Variants in XPO4 observed in about 807,000 individuals in gnomAD.
XPO4 encodes the protein exportin 4, also known as exportin-4.
Under a neutral mutation model 143.0 loss-of-function variants are expected in XPO4, and 39 were observed. The observed-to-expected ratio is 0.27, with a 90% confidence interval of 0.21 to 0.36. The LOEUF (loss-of-function observed/expected upper bound fraction) is 0.36, where lower values mean the gene tolerates loss of function less well. Ranked by LOEUF, XPO4 falls within the 10% of genes least tolerant of loss-of-function variation. XPO4 has a pLI of 1.00. For missense variants in XPO4, 907 were observed against 1,348.0 expected (o/e 0.67, Z 5.12); for synonymous variants, 439 against 474.0 (o/e 0.93, Z 0.96).
In XPO4 at chr13:20,811,859, A is replaced by G. The variant is rs146957463; in HGVS notation, c.1174-1892T>C. ...TGAGATGACGCATACAGGGTGATGAAGGCCTCTTGGCCTTTCTTCTTTTGG... is the reference window on the plus strand; with the variant it reads ...TGAGATGACGCATACAGGGTGATGAGGGCCTCTTGGCCTTTCTTCTTTTGG... On this transcript the variant is annotated intron_variant, in intron 9 of 22. Coordinates refer to ENST00000255305, the MANE Select transcript of XPO4 (RefSeq NM_022459.5). Among the ~76,000 whole-genome samples, 378 of 152,310 alleles carry G rather than the reference A, an allele frequency of 2.5e-3. 1 individual carries two copies. Among genetic ancestry groups the G allele is most frequent in the African/African-American group, 8.7e-3 (360 of 41,574 alleles).
At chr13:20,889,970 G>A (rs1382430256) in intron 1 of XPO4, among the ~76,000 whole-genome samples, 1 of 152,182 alleles carries the variant, frequency 6.6e-6, no homozygotes. Context: ...CCAATATTGT[G>A]TGCCACCAAT....
At chr13:20,795,114 C>T (rs1418381579) in intron 18 of XPO4, among the ~76,000 whole-genome samples, 1 of 151,736 alleles carries the variant, frequency 6.6e-6, no homozygotes, top group Non-Finnish European at 1.5e-5. Context: ...GATATTATAG[C>T]ACCCAACTTA....
At chr13:20,850,892 A>G in intron 4 of XPO4, 1 of 985,350 alleles carries the variant, frequency 1.0e-6, no homozygotes, top group Non-Finnish European at 1.2e-6. Context: ...GTGAGGGGAA[A>G]ATTAGTTATC....
At chr13:20,880,258 C>A (rs544864704) in intron 1 of XPO4, among the ~76,000 whole-genome samples, 1 of 152,062 alleles carries the variant, frequency 6.6e-6, no homozygotes, top group South Asian at 2.1e-4. Flanking sequence ...ATGGTGAAAC[C>A]CCGTCTCTAC....
chr13:20,788,747 A>G, intron 19 of XPO4, 131 bp from the exon 20 acceptor site: 1 of 931,490 alleles, frequency 1.1e-6, no homozygotes, highest in African/African-American at 1.7e-5. Context: ...CAAGATATAG[A>G]AAACATGAAG....
chr13:20,832,911 T>G (rs572627296), intron 6 of XPO4, among the ~76,000 whole-genome samples: 1 of 151,690 alleles, frequency 6.6e-6, no homozygotes, highest in East Asian at 1.9e-4. Flanking sequence ...TCCAAGAGAT[T>G]AAGTTAAAAA....
chr13:20,868,779 A>G, intron 1 of XPO4, 78 bp from the exon 2 acceptor site: 1 of 1,361,424 alleles, frequency 7.3e-7, no homozygotes, highest in Non-Finnish European at 1.0e-6. Context: ...TACCCACAAG[A>G]ACAGAAAATG....
At chr13:20,854,522 A>G (rs540048567) in intron 4 of XPO4, among the ~76,000 whole-genome samples, 2 of 152,230 alleles carry the variant, frequency 1.3e-5, no homozygotes, top group Non-Finnish European at 2.9e-5. Flanking sequence ...CCTCACATAG[A>G]TATCTTTAAA....
chr13:20,901,159 T>C (rs941718564), intron 1 of XPO4, among the ~76,000 whole-genome samples: 4 of 152,166 alleles, frequency 2.6e-5, no homozygotes, highest in South Asian at 2.1e-4. Flanking sequence ...TAATAAAATA[T>C]GTAAAGTATG....
At chr13:20,865,486 A>G (rs952632457) in intron 2 of XPO4, 1 of 985,398 alleles carries the variant, frequency 1.0e-6, no homozygotes. Context: ...ACTGACTAGG[A>G]CACTGTCCAG....
In XPO4 at chr13:20,818,808, C is replaced by T. The variant is rs574265112; in HGVS notation, c.1173+2896G>A. Among the ~76,000 whole-genome samples the T allele has an allele frequency of 8.6e-4, 131 of 151,904 alleles. 3 individuals carry two copies. In the South Asian group the frequency reaches 0.026, roughly 31 times the overall value. ...ATAAATTATTGTACACTATACACGT[C>T]CCCCTCCCCCTCCCCTTTGTTTTTT... On this transcript the variant is annotated intron_variant, in intron 9 of 22. Transcript: ENST00000255305.
intron 3 of XPO4, 90 bp downstream of exon 3, chr13:20,862,627 A>G (rs534984441): frequency 6.4e-7 from 1 of 1,556,790 alleles, no homozygotes; most frequent in Non-Finnish European, 8.7e-7. Context: ...TACCCACCCA[A>G]AAGTTTTTAA....
intron 1 of XPO4, among the ~76,000 whole-genome samples, chr13:20,889,999 C>T (rs1439361258): frequency 6.6e-6 from 1 of 152,192 alleles, no homozygotes; most frequent in Non-Finnish European, 1.5e-5. Flanking sequence ...AAGCATTGTG[C>T]TTTGCTGATG....
At chr13:20,787,112 G>A (rs367819590) in intron 21 of XPO4, 55 bp from the exon 22 acceptor site, 182 of 1,383,016 alleles carry the variant, frequency 1.3e-4, no homozygotes, top group Non-Finnish European at 1.7e-4. Flanking sequence ...ATATCCTCCA[G>A]TCCCTCCCCA....
Position 20,786,196 on chromosome 13 carries a change from A to G in XPO4, c.3258+769T>C, listed in dbSNP as rs376108935. 2.0e-5 allele frequency among the ~76,000 whole-genome samples: 3 copies of G among 151,966 alleles called. No homozygotes were observed. In the East Asian group the frequency reaches 5.8e-4, roughly 30 times the overall value. On this transcript the variant is annotated intron_variant, in intron 22 of 22. Coordinates refer to ENST00000255305, the MANE Select transcript of XPO4 (RefSeq NM_022459.5). ...ATGTTACGGGAAGTCTAGAGAAAGGAGGTCTTTAAATAGTATGGAAGACCT... is the reference window on the plus strand; with the variant it reads ...ATGTTACGGGAAGTCTAGAGAAAGGGGGTCTTTAAATAGTATGGAAGACCT...
At chr13:20,846,787 A>C (rs571906144) in intron 4 of XPO4, among the ~76,000 whole-genome samples, 1 of 152,298 alleles carries the variant, frequency 6.6e-6, no homozygotes, top group East Asian at 1.9e-4. Context: ...ATTTTTATAT[A>C]TCATTGATAT....
chr13:20,787,273 A>G (rs1269188472), intron 21 of XPO4, among the ~76,000 whole-genome samples: 1 of 152,210 alleles, frequency 6.6e-6, no homozygotes, highest in African/African-American at 2.4e-5. Context: ...CTCAATGTGT[A>G]CCACATCAAT....
intron 1 of XPO4, chr13:20,902,401 G>A (rs1017819966): frequency 7.1e-6 from 7 of 985,438 alleles, no homozygotes; most frequent in Middle Eastern, 5.2e-4. Context: ...GTAAGGTGAA[G>A]AAATTCTCTT....
chr13:20,895,819 T>C (rs904040167), intron 1 of XPO4, among the ~76,000 whole-genome samples: 25 of 152,160 alleles, frequency 1.6e-4, no homozygotes, highest in African/African-American at 6.0e-4. Flanking sequence ...CTATCACATT[T>C]TAGATATACC....
Sources: allele counts gnomAD v4.1 joint callset (sites outside exome capture counted in the v4.1 genomes callset), GRCh38; gene constraint gnomAD v4.1.1; transcripts MANE v1.5; gene names NCBI Gene and HGNC (gene_info 2026-07-23, HGNC 2026-07-21).